Variants in ZNF589 observed in about 807,000 individuals in gnomAD.
ZNF589 encodes KRAB-zinc finger protein SZF1-1.
In ZNF589, 17 loss-of-function variants were observed where a neutral mutation model predicts 13.6. That is an observed-to-expected ratio of 1.25 (90% CI 0.86 to 1.88). The LOEUF is 1.88. Ranked by LOEUF, ZNF589 falls within the 40% of genes most tolerant of loss-of-function variation. The pLI, the probability that ZNF589 is intolerant of heterozygous loss-of-function variation, is 0.00. For missense variants in ZNF589, 407 were observed against 434.0 expected (o/e 0.94, Z 0.55); for synonymous variants, 148 against 161.6 (o/e 0.92, Z 0.64).
intron 2 of ZNF589, chr3:48,256,608 C>T: frequency 1.2e-6 from 1 of 811,422 alleles, no homozygotes; most frequent in South Asian, 1.4e-5. Context: ...TTGCAGTTCT[C>T]TTCCCGTCAT....
chr3:48,260,879 G>A lies in ZNF589; in HGVS notation c.163G>A (p.Glu55Lys), dbSNP rs551577604. The A allele has an allele frequency of 2.5e-6, 4 of 1,614,178 alleles. No individual in the cohort carries two copies. In the East Asian group the frequency reaches 6.7e-5, roughly 27 times the overall value. The change falls in exon 3 of 4, where the codon GAG becomes AAG. Residue 55 changes from glutamate (E) to lysine (K), a missense_variant. Transcript: ENST00000354698. ...TEAEWKRLSLEQRNLYKEVML... is the reference protein window; with the variant it reads ...TEAEWKRLSLKQRNLYKEVML... Reference sequence around the variant, plus strand: ...GGCAGAGTGGAAGAGACTGAGCCTTGAGCAGAGGAACCTATACAAAGAAGT... The same window carrying A: ...GGCAGAGTGGAAGAGACTGAGCCTTAAGCAGAGGAACCTATACAAAGAAGT...
chr3:48,266,801 C>T (rs1271078496), intron 3 of ZNF589, among the ~76,000 whole-genome samples: 1 of 152,108 alleles, frequency 6.6e-6, no homozygotes, highest in Admixed American at 6.5e-5. Context: ...GAGAATCTTC[C>T]AAGTAGGCAT....
intron 1 of ZNF589, among the ~76,000 whole-genome samples, chr3:48,241,960 C>G (rs560016079): frequency 2.0e-5 from 3 of 152,038 alleles, no homozygotes; most frequent in Admixed American, 6.6e-5. Flanking sequence ...GGATTACAGG[C>G]GGCGCCTCAC....
chr3:48,270,218 C>T lies in ZNF589; in HGVS notation c.*1432C>T, dbSNP rs1412213428. 5 of 457,184 alleles carry T rather than the reference C, an allele frequency of 1.1e-5. No individual in the cohort carries two copies. In the East Asian group the frequency reaches 3.5e-4, roughly 32 times the overall value. 28.3% of individuals were successfully genotyped at this position (457,184 alleles called of 1,614,324 possible). On this transcript the variant is annotated 3_prime_UTR_variant, in exon 4 of 4. Coordinates refer to ENST00000354698, the MANE Select transcript of ZNF589 (RefSeq NM_016089.3). ...AGAGTTCAGTCTCCAGCCCTACAATCTGAGGGACACCTTTACCAGGTCCCC... is the reference window on the plus strand; with the variant it reads ...AGAGTTCAGTCTCCAGCCCTACAATTTGAGGGACACCTTTACCAGGTCCCC...
chr3:48,243,693 C>T (rs1312281435), intron 1 of ZNF589, among the ~76,000 whole-genome samples: 1 of 151,650 alleles, frequency 6.6e-6, no homozygotes, highest in Non-Finnish European at 1.5e-5. Context: ...CGCTTGTAAT[C>T]CCAGCTACTC....
At chr3:48,247,790 C>A in intron 2 of ZNF589, 113 bp downstream of exon 2, 3 of 1,162,174 alleles carry the variant, frequency 2.6e-6, no homozygotes, top group Non-Finnish European at 2.4e-6. Context: ...GTGGTTTATG[C>A]CTTGTGTTAG....
At chr3:48,259,682 C>T (rs9850672) in intron 2 of ZNF589, among the ~76,000 whole-genome samples, 18 of 151,898 alleles carry the variant, frequency 1.2e-4, no homozygotes, top group Non-Finnish European at 2.5e-4. Context: ...AGTCCGAGGC[C>T]GGCAGATCAC....
intron 2 of ZNF589, among the ~76,000 whole-genome samples, chr3:48,250,558 G>A (rs967664740): frequency 2.0e-5 from 3 of 151,216 alleles, no homozygotes; most frequent in African/African-American, 4.9e-5. Flanking sequence ...TGCAATCTCC[G>A]TCTCCTGGGT....
chr3:48,260,728 G>A, intron 2 of ZNF589, 85 bp from the exon 3 acceptor site: 2 of 1,590,964 alleles, frequency 1.3e-6, no homozygotes, highest in Admixed American at 1.7e-5. Flanking sequence ...TTCTTATGTA[G>A]CTAGATGCTC....
chr3:48,249,038 T>TA (rs1335899914), intron 2 of ZNF589, among the ~76,000 whole-genome samples: 2 of 152,028 alleles, frequency 1.3e-5, no homozygotes, highest in Non-Finnish European at 2.9e-5. Context: ...ATTACTTCAT[T>TA]ATCAGGGAAG....
intron 2 of ZNF589, among the ~76,000 whole-genome samples, chr3:48,248,301 A>G (rs1389944501): frequency 6.6e-6 from 1 of 152,230 alleles, no homozygotes; most frequent in Non-Finnish European, 1.5e-5. Flanking sequence ...TCTGGCTTAG[A>G]GGGATTACGT....
chr3:48,255,708 C>T (rs931603923), intron 2 of ZNF589, among the ~76,000 whole-genome samples: 4 of 151,608 alleles, frequency 2.6e-5, no homozygotes, highest in South Asian at 2.1e-4. Flanking sequence ...TGGCTGGTCC[C>T]GAACTTGTAA....
chr3:48,263,844 T>G (rs192017111), intron 3 of ZNF589, among the ~76,000 whole-genome samples: 3 of 152,330 alleles, frequency 2.0e-5, no homozygotes, highest in Admixed American at 6.5e-5. Flanking sequence ...TGTTACAAAA[T>G]ATAGGTTATA....
intron 1 of ZNF589, among the ~76,000 whole-genome samples, chr3:48,245,557 C>T (rs1047239356): frequency 1.3e-5 from 2 of 152,208 alleles, no homozygotes; most frequent in African/African-American, 4.8e-5. Context: ...GCACAGGTCA[C>T]AGGTTAGAAA....
chr3:48,267,639 C>T (rs1178362557), intron 3 of ZNF589, among the ~76,000 whole-genome samples: 2 of 152,202 alleles, frequency 1.3e-5, no homozygotes, highest in African/African-American at 4.8e-5. Flanking sequence ...TCGTGATCTG[C>T]CCGCCTCCGC....
intron 3 of ZNF589, among the ~76,000 whole-genome samples, chr3:48,261,526 A>G (rs2106844997): frequency 6.6e-6 from 1 of 152,342 alleles, no homozygotes; most frequent in South Asian, 2.1e-4. Flanking sequence ...TAAGGTATAA[A>G]TCTGTCAGTT....
Position 48,268,518 on chromosome 3 carries a change from A to AT in ZNF589, c.828dup (p.Val277CysfsTer12). On this transcript the variant is annotated frameshift_variant, in exon 4 of 4. Coordinates refer to ENST00000354698, the MANE Select transcript of ZNF589 (RefSeq NM_016089.3). LOFTEE classifies it low-confidence loss of function (END_TRUNC). ...AGGACACACACAGGAGAAAAGCCTT[A>AT]TGTCTGCGGAGAGTGTGGGCGAGGC... 6.2e-7 allele frequency: 1 copy of AT among 1,613,924 alleles called. No individual in the cohort carries two copies. Among genetic ancestry groups the AT allele is most frequent in the Non-Finnish European group, 8.5e-7 (1 of 1,179,966 alleles).
At chr3:48,261,129 TTA>T (rs1434238112) in intron 3 of ZNF589, among the ~76,000 whole-genome samples, 190 bp downstream of exon 3, 47 of 152,170 alleles carry the variant, frequency 3.1e-4, no homozygotes, top group Non-Finnish European at 3.2e-4. Context: ...TATAGGTAAA[TTA>T]TATATGTCAA....
intron 2 of ZNF589, among the ~76,000 whole-genome samples, chr3:48,251,880 G>A (rs2033842372): frequency 2.0e-5 from 3 of 151,590 alleles, no homozygotes; most frequent in South Asian, 4.2e-4. Flanking sequence ...TCATCTTTAC[G>A]AAAAGTACAA....
Sources: gnomAD v4.1 joint callset for allele counts (sites outside exome capture counted in the v4.1 genomes callset) on GRCh38, gnomAD v4.1.1 for gene constraint, MANE v1.5 for transcripts, NCBI Gene and HGNC (gene_info 2026-07-23, HGNC 2026-07-21) for gene names.